BANP: variants seen among roughly 807,000 people sequenced by gnomAD.
The protein encoded by BANP is BTG3 associated nuclear protein.
Under a neutral mutation model 68.1 loss-of-function variants are expected in BANP, and 11 were observed. The ratio of observed to expected loss-of-function variants is 0.16; its 90% CI spans 0.10 to 0.27. The LOEUF is 0.27. Among genes scored for constraint, BANP ranks in the 10% least tolerant of loss-of-function variants. The pLI is 1.00. For missense variants in BANP, 504 were observed against 722.7 expected (o/e 0.70, Z 3.47); for synonymous variants, 329 against 303.2 (o/e 1.09, Z -0.88).
At chr16:87,981,430 C>T (rs976019582) in intron 3 of BANP, among the ~76,000 whole-genome samples, 1 of 152,204 alleles carries the variant, frequency 6.6e-6, no homozygotes, top group Non-Finnish European at 1.5e-5. Flanking sequence ...CCCCTTCTCT[C>T]CTCTAGTAAG....
At chr16:87,982,961 G>T (rs145318358) in intron 3 of BANP, among the ~76,000 whole-genome samples, 3 of 151,788 alleles carry the variant, frequency 2.0e-5, no homozygotes, top group Admixed American at 1.3e-4. Flanking sequence ...AATGTGGGCC[G>T]GCCTCCCGCT....
At chr16:88,067,313 G>A (rs1021570612) in intron 12 of BANP, among the ~76,000 whole-genome samples, 2 of 152,116 alleles carry the variant, frequency 1.3e-5, no homozygotes, top group Non-Finnish European at 2.9e-5. Flanking sequence ...TCAGCCCCCA[G>A]CCAGTGTCAC....
intron 7 of BANP, among the ~76,000 whole-genome samples, chr16:88,021,371 A>G (rs2076001172): frequency 6.6e-6 from 1 of 152,090 alleles, no homozygotes; most frequent in Non-Finnish European, 1.5e-5. Context: ...GGCCCCTTGG[A>G]GATGCCCAGT....
rs1424764009 is a variant in BANP, at chr16:88,018,051, C to G, written c.656-377C>G. 3.9e-5 allele frequency among the ~76,000 whole-genome samples: 6 copies of G among 152,006 alleles called. No homozygotes were observed. Among genetic ancestry groups the G allele is most frequent in the Non-Finnish European group, 2.9e-5 (2 of 67,972 alleles). The stretch of plus-strand genomic sequence containing the variant: ...GGCTGGCAGTGAGGTGTGAGGGACC[C>G]CGGGGAGGGTTCCGCTCTGCAGGTG... On this transcript the variant is annotated intron_variant, in intron 6 of 13. Coordinates refer to ENST00000682872, the MANE Select transcript of BANP (RefSeq NM_001386991.1). The surrounding 1 kb of genome is among the most constrained non-coding windows in gnomAD (Gnocchi z 7.7).
At chr16:87,956,676 C>T (rs975471519) in intron 1 of BANP, 2 of 152,120 alleles carry the variant, frequency 1.3e-5, no homozygotes, top group Non-Finnish European at 2.9e-5. Flanking sequence ...TAATCATAGG[C>T]AAGCTCAGCC....
intron 1 of BANP, chr16:87,952,621 G>C (rs2057184929): frequency 6.6e-6 from 1 of 152,176 alleles, no homozygotes; most frequent in South Asian, 2.1e-4. Flanking sequence ...AATAAAAACT[G>C]GATCTGGTCA....
At chr16:88,019,190 G>A (rs535757057) in intron 7 of BANP, among the ~76,000 whole-genome samples, 2 of 152,294 alleles carry the variant, frequency 1.3e-5, no homozygotes, top group South Asian at 2.1e-4. Flanking sequence ...GGCCTGTGAC[G>A]TCTCCGTCCC....
intron 7 of BANP, among the ~76,000 whole-genome samples, chr16:88,023,147 C>T (rs1239748111): frequency 6.6e-6 from 1 of 152,120 alleles, no homozygotes; most frequent in Non-Finnish European, 1.5e-5. Context: ...ACATTGAGCG[C>T]CTCACGGTGA....
chr16:88,058,738 C>T (rs890755899), intron 11 of BANP, among the ~76,000 whole-genome samples: 9 of 152,060 alleles, frequency 5.9e-5, no homozygotes, highest in Non-Finnish European at 1.3e-4. Flanking sequence ...AGAAGCAACT[C>T]GGACCCATGG....
chr16:88,058,205 GCTTT>G (rs2085653977), intron 11 of BANP, among the ~76,000 whole-genome samples: 1 of 152,182 alleles, frequency 6.6e-6, no homozygotes, highest in South Asian at 2.1e-4. Context: ...TGAAAGAGAA[GCTTT>G]TGTTTTTTGA....
intron 9 of BANP, among the ~76,000 whole-genome samples, chr16:88,034,135 G>T (rs753000056): frequency 1.3e-5 from 2 of 152,200 alleles, no homozygotes; most frequent in East Asian, 1.9e-4. Context: ...AAGAGGGAAG[G>T]CTTCCGGAAA....
At chr16:88,020,328 C>G (rs1281631708) in intron 7 of BANP, among the ~76,000 whole-genome samples, 1 of 152,228 alleles carries the variant, frequency 6.6e-6, no homozygotes, top group Non-Finnish European at 1.5e-5. Flanking sequence ...CCCACCACCC[C>G]CTCCACCCTC....
At chr16:87,975,818 GA>G (rs2061997442) in intron 2 of BANP, among the ~76,000 whole-genome samples, 1 of 100,878 alleles carries the variant, frequency 9.9e-6, no homozygotes, top group Non-Finnish European at 2.7e-5. Context: ...CGGCGTCATG[GA>G]ACCTTATCAT....
chr16:87,957,307 T>G lies in BANP; in HGVS notation c.-69+5792T>G. On this transcript the variant is annotated intron_variant, in intron 1 of 13. Transcript: ENST00000682872. The surrounding 1 kb of genome is among the most constrained non-coding windows in gnomAD (Gnocchi z 4.3). ...GAAGGACACATGGAGCAGAGGCGGCTGAGGAGGTGAAAGGCTGAGAGGAGG... is the reference window on the plus strand; with the variant it reads ...GAAGGACACATGGAGCAGAGGCGGCGGAGGAGGTGAAAGGCTGAGAGGAGG... 6.6e-6 allele frequency among the ~76,000 whole-genome samples: 1 copy of G among 152,142 alleles called. No homozygotes were observed. Among genetic ancestry groups the G allele is most frequent in the East Asian group, 1.9e-4 (1 of 5,186 alleles).
intron 1 of BANP, among the ~76,000 whole-genome samples, chr16:87,959,386 C>G (rs2058686822): frequency 6.6e-6 from 1 of 152,226 alleles, no homozygotes; most frequent in South Asian, 2.1e-4. Flanking sequence ...ACGTGCCACC[C>G]CCTGACCTAG....
At chr16:87,975,723 A>C (rs1217692174) in intron 2 of BANP, among the ~76,000 whole-genome samples, 1 of 143,992 alleles carries the variant, frequency 6.9e-6, no homozygotes, top group South Asian at 2.2e-4. Context: ...GCGTGGCGTC[A>C]TGGAACCTTC....
intron 6 of BANP, among the ~76,000 whole-genome samples, chr16:88,008,114 A>G (rs912285382): frequency 5.9e-5 from 9 of 152,274 alleles, no homozygotes; most frequent in Admixed American, 5.2e-4. Flanking sequence ...TCTAAATGGA[A>G]TCCTGTGGCA....
Position 88,018,474 on chromosome 16 carries a change from G to A in BANP, c.702G>A (p.Glu234=), listed in dbSNP as rs1739089208. 2 of 1,613,372 alleles carry A rather than the reference G, an allele frequency of 1.2e-6. No homozygotes were observed. The highest frequency in any genetic ancestry group is 1.7e-6 in the Non-Finnish European group (2 of 1,179,944). ...GGCTGGGCGACGAGAACAACCCCGA[G>A]ATGCGGGTACGCTGCGCCATCATCC... ...GTWLGDENNP[E]MRVRCAIIPS... Residue 234 remains glutamate (E), a synonymous_variant, in exon 7 of 14, where the codon GAG becomes GAA. Coordinates refer to ENST00000682872, the MANE Select transcript of BANP (RefSeq NM_001386991.1). The surrounding 1 kb of genome is among the most constrained non-coding windows in gnomAD (Gnocchi z 7.7).
At chr16:88,043,711 CG>C (rs1347135793) in intron 11 of BANP, among the ~76,000 whole-genome samples, 6 of 151,834 alleles carry the variant, frequency 4.0e-5, no homozygotes, top group Admixed American at 2.0e-4. Flanking sequence ...TTCCCTGGAG[CG>C]GGGAGAGGCA....
Sources: allele counts gnomAD v4.1 joint callset (sites outside exome capture counted in the v4.1 genomes callset), GRCh38; gene constraint gnomAD v4.1.1; non-coding constraint Gnocchi (gnomAD v3.1); transcripts MANE v1.5; gene names NCBI Gene and HGNC (gene_info 2026-07-23, HGNC 2026-07-21).